CNTN2: variants seen among roughly 807,000 people sequenced by gnomAD.
CNTN2 encodes the protein contactin 2, also known as contactin-2.
A neutral mutation model predicts 117.5 loss-of-function variants in CNTN2; 53 were observed. That is an observed-to-expected ratio of 0.45 (90% CI 0.36 to 0.57). CNTN2 has a LOEUF of 0.57. CNTN2 is among the 20% of genes least tolerant of loss of function. The pLI is 0.00. For synonymous variants in CNTN2, 530 were observed against 561.7 expected, an observed-to-expected ratio of 0.94 and a Z score of 0.80; for missense variants, 1,106 against 1,404.3, an observed-to-expected ratio of 0.79 and a Z score of 3.39.
chr1:205,069,533 C>T lies in CNTN2; in HGVS notation c.2168C>T (p.Ala723Val), dbSNP rs1280071812. 1 of 1,613,862 alleles carries T rather than the reference C, an allele frequency of 6.2e-7. No homozygotes were observed. Among genetic ancestry groups the T allele is most frequent in the South Asian group, 1.1e-5 (1 of 91,060 alleles). ...TCAGGACTCAGCGGAGGAGGTGGAGCCCCCGGAGAGCTCATCGTCAACTGG... is the reference window on the plus strand; with the variant it reads ...TCAGGACTCAGCGGAGGAGGTGGAGTCCCCGGAGAGCTCATCGTCAACTGG... ...APSGLSGGGGAPGELIVNWTP... is the reference protein window; with the variant it reads ...APSGLSGGGGVPGELIVNWTP... Residue 723 changes from alanine (A) to valine (V), a missense_variant, in exon 17 of 23, where the codon GCC becomes GTC. Transcript: ENST00000331830.
chr1:205,066,500 C>T lies in CNTN2; in HGVS notation c.1876C>T (p.Leu626Phe). 6.2e-7 allele frequency: 1 copy of T among 1,614,076 alleles called. No homozygotes were observed. Among genetic ancestry groups the T allele is most frequent in the South Asian group, 1.1e-5 (1 of 91,090 alleles). The change falls in exon 15 of 23, where the codon CTC becomes TTC. Residue 626 changes from leucine (L) to phenylalanine (F), a missense_variant. Transcript: ENST00000331830. ...VRDIGDTTIQ[L>F]SWSRGFDNHS... ...GGACATTGGCGACACCACCATCCAGCTCAGCTGGAGCCGTGGCTTCGACAA... is the reference window on the plus strand; with the variant it reads ...GGACATTGGCGACACCACCATCCAGTTCAGCTGGAGCCGTGGCTTCGACAA...
intron 1 of CNTN2, among the ~76,000 whole-genome samples, chr1:205,052,383 CA>C (rs2096454414): frequency 6.6e-6 from 1 of 152,256 alleles, no homozygotes. Context: ...CTACAGGGAA[CA>C]GGTTCTTCTC....
rs767445824 is a variant in CNTN2 at position 205,069,808 on chromosome 1, C to T, written c.2197-19C>T. Reference sequence around the variant, plus strand: ...CACATGCCGCGGACCCTCGCCCATGCCATGCTCTTGCCCCTCAGCCCATGT... The same window carrying T: ...CACATGCCGCGGACCCTCGCCCATGTCATGCTCTTGCCCCTCAGCCCATGT... On this transcript the variant is annotated intron_variant, in intron 17 of 22. Transcript: ENST00000331830. 1 of 1,606,618 alleles carries T rather than the reference C, an allele frequency of 6.2e-7. No individual in the cohort carries two copies. Among genetic ancestry groups the T allele is most frequent in the East Asian group, 2.2e-5 (1 of 44,732 alleles).
chr1:205,071,869 G>A (rs1428443033), intron 19 of CNTN2, 78 bp from the exon 20 acceptor site: 6 of 1,377,012 alleles, frequency 4.4e-6, no homozygotes, highest in African/African-American at 1.5e-5. Context: ...AGCAAGAGAG[G>A]AACAGAATGT....
intron 1 of CNTN2, among the ~76,000 whole-genome samples, chr1:205,043,787 C>A (rs1278970003): frequency 1.3e-5 from 2 of 152,192 alleles, no homozygotes; most frequent in African/African-American, 4.8e-5. Flanking sequence ...GCCCTGGGCC[C>A]TGGCCTGCCC....
intron 15 of CNTN2, 76 bp downstream of exon 15, chr1:205,066,675 G>A: frequency 6.5e-7 from 1 of 1,540,072 alleles, no homozygotes; most frequent in Non-Finnish European, 8.8e-7. Flanking sequence ...TCAAGGTTTG[G>A]GGATCGGGGT....
At chr1:205,046,328 A>G (rs907878706) in intron 1 of CNTN2, among the ~76,000 whole-genome samples, 1 of 152,210 alleles carries the variant, frequency 6.6e-6, no homozygotes, top group African/African-American at 2.4e-5. Context: ...CTAATGAGAC[A>G]TTCAGTTCAC....
At chr1:205,054,051 C>A (rs2096457160) in intron 2 of CNTN2, among the ~76,000 whole-genome samples, 1 of 152,204 alleles carries the variant, frequency 6.6e-6, no homozygotes, top group South Asian at 2.1e-4. Context: ...CTGGCCTGTC[C>A]TAGGGCAAGA....
chr1:205,072,233 A>AGAGCTGGTGGG, intron 20 of CNTN2, 100 bp downstream of exon 20: 3 of 1,252,036 alleles, frequency 2.4e-6, no homozygotes, highest in South Asian at 1.4e-5. Context: ...GCTCTAGCCC[A>AGAGCTGGTGGG]CCAGCTCTGG....
intron 16 of CNTN2, chr1:205,068,775 G>A (rs1181111119): frequency 1.3e-5 from 2 of 152,182 alleles, no homozygotes; most frequent in African/African-American, 4.8e-5. Context: ...CAAATTACAC[G>A]GTCCTAAACT....
Position 205,059,257 on chromosome 1 carries a change from T to A in CNTN2, c.661T>A (p.Phe221Ile). 1 of 1,614,084 alleles carries A rather than the reference T, an allele frequency of 6.2e-7. No homozygotes were observed. The highest frequency in any genetic ancestry group is 1.1e-5 in the South Asian group (1 of 91,034). ...SHMDFSTKSV[F>I]SKFAQLNLAA... ...CATGGACTTCTCCACCAAGAGCGTCTTCAGCAAGTTTGCTCAGCTCAACCT... is the reference window on the plus strand; with the variant it reads ...CATGGACTTCTCCACCAAGAGCGTCATCAGCAAGTTTGCTCAGCTCAACCT... Residue 221 changes from phenylalanine (F) to isoleucine (I), a missense_variant, in exon 6 of 23, where the codon TTC becomes ATC. By Grantham distance (21) the Phe-to-Ile change is conservative (BLOSUM62 0). Coordinates refer to ENST00000331830, the MANE Select transcript of CNTN2 (RefSeq NM_005076.5). This position sits in a 1 kb window ranked among gnomAD's most constrained non-coding sequence, Gnocchi z 5.6.
rs1410550505 is a variant in CNTN2 at position 205,048,441 on chromosome 1, G to A, written c.-86-4659G>A. 6.6e-6 allele frequency among the ~76,000 whole-genome samples: 1 copy of A among 152,030 alleles called. No homozygotes were observed. The highest frequency in any genetic ancestry group is 1.5e-5 in the Non-Finnish European group (1 of 68,002). On this transcript the variant is annotated intron_variant, in intron 1 of 22. Coordinates refer to ENST00000331830, the MANE Select transcript of CNTN2 (RefSeq NM_005076.5). The surrounding 1 kb of genome is among the most constrained non-coding windows in gnomAD (Gnocchi z 4.1). ...CCCTGGTGCCCCCGAACCCCCCAGT[G>A]GTCCACTCCCCCATGTGCTGGTGCC...
chr1:205,057,736 TC>T (rs1653722283), intron 2 of CNTN2, 184 bp from the exon 3 acceptor site: 1 of 551,358 alleles, frequency 1.8e-6, no homozygotes, highest in African/African-American at 1.9e-5. Flanking sequence ...ATGTCGTTCT[TC>T]AGTCGCAATA....
chr1:205,066,731 T>G, intron 15 of CNTN2, 132 bp downstream of exon 15: 3 of 1,062,254 alleles, frequency 2.8e-6, no homozygotes, highest in East Asian at 2.6e-5. Context: ...GGACAAGATC[T>G]GTCCTCTGCC....
rs1653771300 is a variant in CNTN2 at position 205,058,301 on chromosome 1, G to T, written c.336G>T (p.Leu112=). 15 of 1,529,246 alleles carry T rather than the reference G, an allele frequency of 9.8e-6. No homozygotes were observed. Among genetic ancestry groups the T allele is most frequent in the Non-Finnish European group, 1.3e-5 (15 of 1,137,348 alleles). The allele number at this position is 1,529,246 out of a possible 1,614,324, so 94.7% of individuals were successfully genotyped here. A position where few individuals can be genotyped will look rare whatever the true frequency, so the allele number is the denominator to read the frequency against. Residue 112 remains leucine, a synonymous_variant, in exon 4 of 23, where the codon CTG becomes CTT. Transcript: ENST00000331830. This position sits in a 1 kb window ranked among gnomAD's most constrained non-coding sequence, Gnocchi z 4.3. ...KAQDAGVYQC[L]ASNPVGTVVS... is the part of the protein sequence containing the mutation. ...AGGATGCCGGGGTCTACCAGTGCCT[G>T]GCCTCCAACCCAGTGGGCACCGTTG...
At chr1:205,072,665 A>G in intron 21 of CNTN2, 70 bp downstream of exon 21, 1 of 1,187,624 alleles carries the variant, frequency 8.4e-7, no homozygotes, top group South Asian at 1.2e-5. Context: ...GAACATAAGC[A>G]GCAGCAATTT....
At chr1:205,062,652 C>A in intron 10 of CNTN2, 83 bp downstream of exon 10, 1 of 1,475,002 alleles carries the variant, frequency 6.8e-7, no homozygotes, top group Non-Finnish European at 9.1e-7. Context: ...TGTTTCCAAA[C>A]ACACATGCAC....
chr1:205,072,155 G>T, intron 20 of CNTN2, 22 bp downstream of exon 20: 3 of 1,591,946 alleles, frequency 1.9e-6, no homozygotes, highest in Non-Finnish European at 2.6e-6. Flanking sequence ...TGCCTGGGGT[G>T]GGGGTAGGGC....
chr1:205,070,172 G>C (rs1654518283), intron 18 of CNTN2, 111 bp downstream of exon 18: 1 of 1,047,976 alleles, frequency 9.5e-7, no homozygotes, highest in Non-Finnish European at 1.4e-6. Context: ...GGAGGAGGTT[G>C]AGAGGACACC....
Sources: gnomAD v4.1 joint callset for allele counts (sites outside exome capture counted in the v4.1 genomes callset) on GRCh38, gnomAD v4.1.1 for gene constraint, Gnocchi (gnomAD v3.1) non-coding constraint, MANE v1.5 for transcripts, NCBI Gene and HGNC (gene_info 2026-07-23, HGNC 2026-07-21) for gene names.